SMURF1: variants seen among roughly 807,000 people sequenced by gnomAD.
SMURF1 encodes the protein SMAD specific E3 ubiquitin protein ligase 1.
Under a neutral mutation model 98.0 loss-of-function variants are expected in SMURF1, and 44 were observed. The observed-to-expected ratio is 0.45, with a 90% CI of 0.35 to 0.58. The LOEUF is 0.58. SMURF1 is among the 20% of genes least tolerant of loss of function. SMURF1 has a pLI of 0.00. For synonymous variants in SMURF1, 396 were observed against 374.9 expected, an observed-to-expected ratio of 1.06 and a Z score of -0.65; for missense variants, 687 against 938.4, an observed-to-expected ratio of 0.73 and a Z score of 3.50.
chr7:99,118,567 T>C (rs1584197903), intron 1 of SMURF1, among the ~76,000 whole-genome samples: 1 of 152,218 alleles, frequency 6.6e-6, no homozygotes, highest in Non-Finnish European at 1.5e-5. Flanking sequence ...TGATTTCATT[T>C]TCATGAAACA....
intron 1 of SMURF1, among the ~76,000 whole-genome samples, chr7:99,088,831 G>A (rs1332415033): frequency 6.6e-6 from 1 of 152,152 alleles, no homozygotes; most frequent in African/African-American, 2.4e-5. Context: ...TTGGGAGGCT[G>A]AGGTGGGTGG....
intron 1 of SMURF1, among the ~76,000 whole-genome samples, chr7:99,131,920 C>T (rs930624921): frequency 2.0e-5 from 3 of 152,090 alleles, no homozygotes; most frequent in Non-Finnish European, 4.4e-5. Context: ...AAATGGGAAA[C>T]GTTATTCAAG....
rs1035126991 is a variant in SMURF1 at position 99,036,975 on chromosome 7, C to A, written c.1809+92G>T. On this transcript the variant is annotated intron_variant, in intron 15 of 17. Coordinates refer to ENST00000361368, the MANE Select transcript of SMURF1 (RefSeq NM_181349.3). ...AGCAGCTCCTAGGCTTACTAGAAAG[C>A]GGCACACACTGCCCCCTGCAGCAAG... The A allele has an allele frequency of 2.5e-6, 4 of 1,578,140 alleles. No homozygotes were observed. In the East Asian group the frequency reaches 6.8e-5, roughly 27 times the overall value.
At chr7:99,055,897 C>T (rs564822679) in intron 5 of SMURF1, among the ~76,000 whole-genome samples, 3 of 152,176 alleles carry the variant, frequency 2.0e-5, no homozygotes, top group Non-Finnish European at 2.9e-5. Flanking sequence ...ACGCGGGAGG[C>T]GGAGGTTGCA....
chr7:99,127,332 G>A (rs530689255), intron 1 of SMURF1, among the ~76,000 whole-genome samples: 2 of 152,242 alleles, frequency 1.3e-5, no homozygotes, highest in South Asian at 4.1e-4. Flanking sequence ...AAGAAAAAGA[G>A]GGAGGGAGTG....
rs888512889 is a variant in SMURF1 at position 99,029,901 on chromosome 7, A to G, written c.*683T>C. 1 of 152,200 alleles carries G rather than the reference A, an allele frequency of 6.6e-6. No individual in the cohort carries two copies. Among genetic ancestry groups the G allele is most frequent in the African/African-American group, 2.4e-5 (1 of 41,434 alleles). The allele number at this position is 152,200 out of a possible 1,614,324, so 9.4% of individuals were successfully genotyped here. ...ATCGTTTTTCTCTATGTAAAACAAA[A>G]TTTTCAGCCAAGATACCCAGAAAAG... On this transcript the variant is annotated 3_prime_UTR_variant, in exon 18 of 18. Transcript: ENST00000361368.
chr7:99,063,630 T>C (rs929480470), intron 1 of SMURF1, among the ~76,000 whole-genome samples: 1 of 151,870 alleles, frequency 6.6e-6, no homozygotes, highest in Admixed American at 6.6e-5. Flanking sequence ...CCATTTAAAG[T>C]GTGCAATACA....
chr7:99,108,611 C>CAAAAAA (rs11458541), intron 1 of SMURF1, among the ~76,000 whole-genome samples: 21 of 58,484 alleles, frequency 3.6e-4, no homozygotes, highest in South Asian at 1.3e-3. Context: ...AACTCTGTCT[C>CAAAAAA]AAAAAAAAAA....
intron 1 of SMURF1, among the ~76,000 whole-genome samples, chr7:99,066,141 A>G: frequency 6.6e-6 from 1 of 151,960 alleles, no homozygotes; most frequent in East Asian, 1.9e-4. Context: ...ACCCTTGTCC[A>G]AGCTCCCAAC....
intron 1 of SMURF1, among the ~76,000 whole-genome samples, chr7:99,142,032 A>C (rs1236170099): frequency 1.3e-5 from 2 of 151,058 alleles, no homozygotes; most frequent in Admixed American, 6.6e-5. Context: ...GATGAATTGA[A>C]ACTGGAAAGA....
intron 11 of SMURF1, among the ~76,000 whole-genome samples, chr7:99,042,566 C>T (rs971006834): frequency 6.6e-6 from 1 of 152,188 alleles, no homozygotes; most frequent in Non-Finnish European, 1.5e-5. Flanking sequence ...TGAGCCACCA[C>T]GCTCAGCCTA....
chr7:99,041,863 A>C (rs1483723001), intron 12 of SMURF1, among the ~76,000 whole-genome samples: 1 of 152,252 alleles, frequency 6.6e-6, no homozygotes, highest in Non-Finnish European at 1.5e-5. Context: ...ATGATCACAA[A>C]GTGTGAGTGT....
Position 99,030,481 on chromosome 7 carries a change from T to TG in SMURF1, c.*102_*103insC. The TG allele has an allele frequency of 2.1e-6, 2 of 943,418 alleles. No individual in the cohort carries two copies. Among genetic ancestry groups the TG allele is most frequent in the Admixed American group, 3.8e-5 (2 of 52,198 alleles). The allele number at this position is 943,418 out of a possible 1,614,324, so 58.4% of individuals were successfully genotyped here. A position where few individuals can be genotyped will look rare whatever the true frequency, so the allele number is the denominator to read the frequency against. On this transcript the variant is annotated 3_prime_UTR_variant, in exon 18 of 18. Transcript: ENST00000361368. Reference sequence around the variant, plus strand: ...GAGACAACCCTTTCCCCTCAGGTGATCTGGAATTCCAGGGCCTCTGCCAGC... The same window carrying TG: ...GAGACAACCCTTTCCCCTCAGGTGATGCTGGAATTCCAGGGCCTCTGCCAGC...
intron 1 of SMURF1, among the ~76,000 whole-genome samples, chr7:99,115,609 A>G (rs1462137920): frequency 6.6e-6 from 1 of 152,134 alleles, no homozygotes; most frequent in Non-Finnish European, 1.5e-5. Context: ...AACTAGGGAC[A>G]CTACTACTCA....
intron 16 of SMURF1, 94 bp downstream of exon 16, chr7:99,035,421 C>T (rs780952606): frequency 8.6e-5 from 119 of 1,384,402 alleles, no homozygotes; most frequent in Non-Finnish European, 1.2e-4. Flanking sequence ...TTCTAGCACA[C>T]ATCTCAGAAA....
At chr7:99,037,656 A>G (rs980470008) in intron 14 of SMURF1, among the ~76,000 whole-genome samples, 3 of 152,240 alleles carry the variant, frequency 2.0e-5, no homozygotes, top group Non-Finnish European at 4.4e-5. Flanking sequence ...AAACCTTGGC[A>G]TCACGTTAAA....
chr7:99,138,350 A>G lies in SMURF1; in HGVS notation c.55+5376T>C, dbSNP rs115236059. Among the ~76,000 whole-genome samples, 830 of 152,342 alleles carry G rather than the reference A, an allele frequency of 5.4e-3. 7 individuals are homozygous for G. Among genetic ancestry groups the G allele is most frequent in the African/African-American group, 0.02 (812 of 41,570 alleles). ...GCCCACGATGTTGTACAAAACAGCC[A>G]GTCTAGTTAACTGGATCACTGAGGT... On this transcript the variant is annotated intron_variant, in intron 1 of 17. Coordinates refer to ENST00000361368, the MANE Select transcript of SMURF1 (RefSeq NM_181349.3).
chr7:99,089,048 AC>A (rs1353494320), intron 1 of SMURF1, among the ~76,000 whole-genome samples: 10 of 152,258 alleles, frequency 6.6e-5, no homozygotes, highest in African/African-American at 2.2e-4. Flanking sequence ...TACCAAAAAT[AC>A]AAAAATTAGC....
chr7:99,090,318 A>C (rs1374920726), intron 1 of SMURF1, among the ~76,000 whole-genome samples: 2 of 152,178 alleles, frequency 1.3e-5, no homozygotes, highest in South Asian at 2.1e-4. Context: ...TCAAACAATC[A>C]AGGAAGTAGA....
Sources: gnomAD v4.1 joint callset for allele counts (sites outside exome capture counted in the v4.1 genomes callset) on GRCh38, gnomAD v4.1.1 for gene constraint, MANE v1.5 for transcripts, NCBI Gene and HGNC (gene_info 2026-07-23, HGNC 2026-07-21) for gene names.